Variants in TEX15 observed in about 807,000 individuals in gnomAD.
The protein encoded by TEX15 is testis-expressed protein 15.
Under a neutral mutation model 237.3 loss-of-function variants are expected in TEX15, and 171 were observed. The ratio of observed to expected loss-of-function variants is 0.72; its 90% CI spans 0.64 to 0.82. The LOEUF (loss-of-function observed/expected upper bound fraction) is 0.82. Ranked by LOEUF, TEX15 falls within the 40% of genes least tolerant of loss-of-function variation. TEX15 has a pLI of 0.00. For synonymous variants in TEX15, 1,338 were observed against 1,269.8 expected, an observed-to-expected ratio of 1.05 and a Z score of -1.14; for missense variants, 3,750 against 3,646.5, an observed-to-expected ratio of 1.03 and a Z score of -0.73.
intron 3 of TEX15, among the ~76,000 whole-genome samples, chr8:30,883,181 G>C (rs1453793087): frequency 1.3e-5 from 2 of 151,798 alleles, no homozygotes; most frequent in East Asian, 3.9e-4. Context: ...TGTGATCATA[G>C]CTCACTGCAG....
chr8:30,858,967 CTAA>C (rs1807976266), intron 6 of TEX15, 137 bp from the exon 7 acceptor site: 1 of 570,348 alleles, frequency 1.8e-6, no homozygotes, highest in Admixed American at 4.1e-5. Context: ...TTGTTTAACC[CTAA>C]TGTTTTTGAA....
rs985083473 is a variant in TEX15 at position 30,846,440 on chromosome 8, A to G, written c.3727T>C (p.Leu1243=). ...TGATTCACATCTGTATTACGACTCA[A>G]GTCAAAAGAAAGGGAGATTTCAGAG... ...SNSEISLSFD[L]SRNTDVNHTS... is the part of the protein sequence containing the mutation. The change falls in exon 8 of 11, where the codon TTG becomes CTG. Residue 1243 remains leucine (L), a synonymous_variant. Transcript: ENST00000643185. 1 of 1,613,354 alleles carries G rather than the reference A, an allele frequency of 6.2e-7. No individual in the cohort carries two copies. The highest frequency in any genetic ancestry group is 8.5e-7 in the Non-Finnish European group (1 of 1,179,690).
chr8:30,896,915 G>T (rs188970503), intron 2 of TEX15, among the ~76,000 whole-genome samples: 1 of 152,140 alleles, frequency 6.6e-6, no homozygotes, highest in Admixed American at 6.5e-5. Flanking sequence ...AAAAAGTCTA[G>T]AACTGATCAG....
chr8:30,838,524 G>A (rs886609311), intron 9 of TEX15, among the ~76,000 whole-genome samples: 2 of 151,498 alleles, frequency 1.3e-5, no homozygotes, highest in East Asian at 3.9e-4. Flanking sequence ...ATACGTTTTT[G>A]TCTGTTCATC....
intron 2 of TEX15, among the ~76,000 whole-genome samples, chr8:30,888,034 C>G (rs769078194): frequency 2.3e-4 from 34 of 150,634 alleles, no homozygotes; most frequent in African/African-American, 7.3e-4. Context: ...ACACCCATAA[C>G]AATTTTTATA....
intron 4 of TEX15, among the ~76,000 whole-genome samples, chr8:30,874,236 C>T (rs772107175): frequency 2.0e-5 from 3 of 152,110 alleles, no homozygotes; most frequent in Non-Finnish European, 4.4e-5. Context: ...CATTCCAAAA[C>T]GAGTTCCACA....
rs1159883232 is a variant in TEX15 at position 30,887,169 on chromosome 8, T to C, written c.134A>G (p.Lys45Arg). ...TIPKIRRTAE[K>R]VYLSPCYTNS... is the part of the protein sequence containing the mutation. Reference sequence around the variant, plus strand: ...ATTCCCAACCACAGAAATATTACCTTTCTCAGCTGTCCTCCTGATCTTAGG... The same window carrying C: ...ATTCCCAACCACAGAAATATTACCTCTCTCAGCTGTCCTCCTGATCTTAGG... Residue 45 changes from lysine to arginine, a missense_variant and splice_region_variant, in exon 3 of 11, where the codon AAA (lysine) becomes AGA (arginine). Transcript: ENST00000643185. 1 of 1,530,044 alleles carries C rather than the reference T, an allele frequency of 6.5e-7. No homozygotes were observed. Among genetic ancestry groups the C allele is most frequent in the Non-Finnish European group, 8.7e-7 (1 of 1,145,314 alleles). The allele number at this position is 1,530,044 out of a possible 1,614,324, so 94.8% of individuals were successfully genotyped here.
At chr8:30,860,125 T>G in intron 5 of TEX15, 68 bp from the exon 6 acceptor site, 1 of 1,288,538 alleles carries the variant, frequency 7.8e-7, no homozygotes, top group Non-Finnish European at 1.0e-6. Context: ...CTGTCACATT[T>G]CAAACATAAA....
At chr8:30,874,515 A>T (rs751505582) in intron 4 of TEX15, among the ~76,000 whole-genome samples, 13 of 152,182 alleles carry the variant, frequency 8.5e-5, no homozygotes, top group Non-Finnish European at 1.5e-4. Context: ...GAATAGCTGG[A>T]AACAGCTGGC....
rs1192223093 is a variant in TEX15, at chr8:30,842,336, G to A, written c.7831C>T (p.His2611Tyr). Residue 2611 changes from histidine to tyrosine, a missense_variant, in exon 8 of 11, where the codon CAC becomes TAC. Coordinates refer to ENST00000643185, the MANE Select transcript of TEX15 (RefSeq NM_001350162.2). ...APRKDLGKMA[H>Y]IRKVMKTIEH... ...ATCGTTTTCATGACTTTCCTAATGT[G>A]GGCCATTTTTCCTAAATCTTTCCTA... The A allele has an allele frequency of 1.2e-6, 2 of 1,613,626 alleles. No individual in the cohort carries two copies. The highest frequency in any genetic ancestry group is 2.2e-5 in the South Asian group (2 of 91,052).
chr8:30,876,148 G>C (rs1436018328), intron 3 of TEX15, among the ~76,000 whole-genome samples: 3 of 152,158 alleles, frequency 2.0e-5, no homozygotes, highest in African/African-American at 7.2e-5. Context: ...AATGCCATCT[G>C]CATTATGTAG....
At chr8:30,874,909 C>CA in intron 4 of TEX15, 28 bp downstream of exon 4, 6 of 1,244,138 alleles carry the variant, frequency 4.8e-6, no homozygotes, top group Non-Finnish European at 6.1e-6. Context: ...AACAAAATCT[C>CA]AAACACGTTT....
chr8:30,883,475 T>C (rs1199232387), intron 3 of TEX15, among the ~76,000 whole-genome samples: 1 of 152,178 alleles, frequency 6.6e-6, no homozygotes, highest in Non-Finnish European at 1.5e-5. Context: ...GCTGCACCTA[T>C]TGACCTATGT....
At chr8:30,910,259 A>G (rs1385163455) in intron 1 of TEX15, among the ~76,000 whole-genome samples, 1 of 152,154 alleles carries the variant, frequency 6.6e-6, no homozygotes, top group Non-Finnish European at 1.5e-5. Context: ...GAAATTGAGT[A>G]AAAGCAATAT....
chr8:30,875,110 T>G lies in TEX15; in HGVS notation c.137-8A>C. ...AACAAGGTGACAAGTAAACTAAAGGTAGAAAAAGAGAAAGCAGTTGTATTT... is the reference window on the plus strand; with the variant it reads ...AACAAGGTGACAAGTAAACTAAAGGGAGAAAAAGAGAAAGCAGTTGTATTT... On this transcript the variant is annotated splice_region_variant and splice_polypyrimidine_tract_variant and intron_variant, in intron 3 of 10. Transcript: ENST00000643185. The G allele has an allele frequency of 1.6e-6, 2 of 1,235,628 alleles. No individual in the cohort carries two copies. Among genetic ancestry groups the G allele is most frequent in the Non-Finnish European group, 2.0e-6 (2 of 987,646 alleles). 76.5% of individuals were successfully genotyped at this position (1,235,628 alleles called of 1,614,324 possible). A position where few individuals can be genotyped will look rare whatever the true frequency, so the allele number is the denominator to read the frequency against.
Position 30,845,232 on chromosome 8 carries a change from C to T in TEX15, c.4935G>A (p.Ala1645=), listed in dbSNP as rs112301482. ...CDATCIGHTK[A]KTDVLISVLD... ...AGACTGATATAAGTACGTCAGTTTT[C>T]GCCTTTGTGTGACCTATGCAAGTTG... Residue 1645 remains alanine (A), a synonymous_variant, in exon 8 of 11, where the codon GCG becomes GCA. Transcript: ENST00000643185. 4.3e-5 allele frequency: 69 copies of T among 1,613,502 alleles called. 1 individual carries two copies. Among genetic ancestry groups the T allele is most frequent in the African/African-American group, 1.2e-4 (9 of 75,028 alleles).
At chr8:30,850,323 C>A (rs1231132771) in intron 7 of TEX15, among the ~76,000 whole-genome samples, 1 of 152,094 alleles carries the variant, frequency 6.6e-6, no homozygotes, top group Non-Finnish European at 1.5e-5. Flanking sequence ...AATGAATTTA[C>A]AAAATGCATA....
At chr8:30,911,056 A>G (rs1809205126) in intron 1 of TEX15, among the ~76,000 whole-genome samples, 3 of 152,200 alleles carry the variant, frequency 2.0e-5, no homozygotes, top group South Asian at 2.1e-4. Flanking sequence ...TTTTAAAAAT[A>G]TTCAATAAAT....
In TEX15 at chr8:30,848,275, GA is replaced by G; in HGVS notation, c.1891del (p.Ser631ProfsTer26). 1 of 1,612,666 alleles carries G rather than the reference GA, an allele frequency of 6.2e-7. No individual in the cohort carries two copies. Among genetic ancestry groups the G allele is most frequent in the Non-Finnish European group, 8.5e-7 (1 of 1,179,738 alleles). On this transcript the variant is annotated frameshift_variant, in exon 8 of 11. Coordinates refer to ENST00000643185, the MANE Select transcript of TEX15 (RefSeq NM_001350162.2). LOFTEE classifies it high-confidence loss of function. The stretch of plus-strand genomic sequence containing the variant: ...TGAAGTTTGCTTTTCTTCATGTTTG[GA>G]ACTGTCTTCCAGGTCAGCGAAGTTT... ...MKNFADLEDS[S>X]KHEEKQTSWK...
Sources: allele counts gnomAD v4.1 joint callset (sites outside exome capture counted in the v4.1 genomes callset), GRCh38; gene constraint gnomAD v4.1.1; transcripts MANE v1.5; gene names NCBI Gene and HGNC (gene_info 2026-07-23, HGNC 2026-07-21).